Variants in GTF2IRD1 observed in about 807,000 individuals in gnomAD.
GTF2IRD1 encodes the protein GTF2I repeat domain containing 1, also known as general transcription factor II-I repeat domain-containing protein 1.
A neutral mutation model predicts 113.2 loss-of-function variants in GTF2IRD1; 26 were observed. That is an observed-to-expected ratio of 0.23 (90% CI 0.17 to 0.32). GTF2IRD1 has a LOEUF of 0.32. GTF2IRD1 is among the 10% of genes least tolerant of loss of function. The pLI, the probability that GTF2IRD1 is intolerant of heterozygous loss-of-function variation, is 1.00. For missense variants in GTF2IRD1, 864 were observed against 1,280.8 expected, an observed-to-expected ratio of 0.67 and a Z score of 4.97; for synonymous variants, 484 against 529.1, an observed-to-expected ratio of 0.91 and a Z score of 1.17.
intron 17 of GTF2IRD1, among the ~76,000 whole-genome samples, chr7:74,552,359 T>A (rs1799363393): frequency 6.6e-6 from 1 of 151,900 alleles, no homozygotes; most frequent in Admixed American, 6.6e-5. Context: ...TTTCTAAAAA[T>A]TCAAAAATTA....
At position 74,541,292 on chromosome 7, in the gene GTF2IRD1, A is replaced by C. The variant is rs372023483; in HGVS notation, c.1618+1324A>C. 1.5e-3 allele frequency among the ~76,000 whole-genome samples: 227 copies of C among 151,754 alleles called. 1 individual carries two copies. In the Middle Eastern group the frequency reaches 0.027, roughly 18 times the overall value. On this transcript the variant is annotated intron_variant, in intron 14 of 26. Transcript: ENST00000424337. ...TACTGCTTGAGGCCAGGAGTTCGAGACCAGCCTGGGCAACATAGCAAGACT... is the reference window on the plus strand; with the variant it reads ...TACTGCTTGAGGCCAGGAGTTCGAGCCCAGCCTGGGCAACATAGCAAGACT...
intron 1 of GTF2IRD1, among the ~76,000 whole-genome samples, chr7:74,504,157 C>T (rs953720084): frequency 8.5e-5 from 13 of 152,104 alleles, no homozygotes; most frequent in Admixed American, 2.0e-4. Flanking sequence ...TCCATTCTAC[C>T]GCTGATGGAC....
At chr7:74,505,994 C>T (rs146232516) in intron 1 of GTF2IRD1, 3 of 152,346 alleles carry the variant, frequency 2.0e-5, no homozygotes, top group African/African-American at 7.2e-5. Flanking sequence ...CTTTTATAAA[C>T]ATTTAGCAGC....
intron 1 of GTF2IRD1, among the ~76,000 whole-genome samples, chr7:74,480,623 A>G (rs1322134276): frequency 1.3e-5 from 2 of 152,084 alleles, no homozygotes; most frequent in Non-Finnish European, 2.9e-5. Context: ...GCCAGGAGCC[A>G]GGCTCAGGCT....
chr7:74,532,124 G>A (rs1440932047), intron 9 of GTF2IRD1, among the ~76,000 whole-genome samples: 1 of 152,196 alleles, frequency 6.6e-6, no homozygotes, highest in African/African-American at 2.4e-5. Flanking sequence ...GGCAGCCCGT[G>A]AGGGCATCTG....
Sources: allele counts gnomAD v4.1 joint callset (sites outside exome capture counted in the v4.1 genomes callset), GRCh38; gene constraint gnomAD v4.1.1; transcripts MANE v1.5; gene names NCBI Gene and HGNC (gene_info 2026-07-23, HGNC 2026-07-21).